The following EXTL3 variants were observed in gnomAD, a reference collection of about 807,000 sequenced individuals.
EXTL3 encodes exostosin-like 3.
In EXTL3, 27 loss-of-function variants were observed where a neutral mutation model predicts 69.3. The ratio of observed to expected loss-of-function variants is 0.39; its 90% CI spans 0.29 to 0.54. EXTL3 has a LOEUF of 0.54. Ranked by LOEUF, EXTL3 falls within the 20% of genes least tolerant of loss-of-function variation. EXTL3 has a pLI of 0.69. For synonymous variants in EXTL3, 511 were observed against 499.4 expected (o/e 1.02, Z -0.31); for missense variants, 1,003 against 1,231.8 (o/e 0.81, Z 2.78).
At chr8:28,641,447 T>C (rs920476913) in intron 1 of EXTL3, among the ~76,000 whole-genome samples, 2 of 152,232 alleles carry the variant, frequency 1.3e-5, no homozygotes, top group Non-Finnish European at 2.9e-5. Flanking sequence ...GAATTGGGTA[T>C]GGATTAAAAA....
At chr8:28,690,966 A>T (rs957170767) in intron 1 of EXTL3, among the ~76,000 whole-genome samples, 3 of 152,120 alleles carry the variant, frequency 2.0e-5, no homozygotes, top group Non-Finnish European at 4.4e-5. Flanking sequence ...AGTCTCCAAA[A>T]ACATTCTGTA....
chr8:28,719,503 G>A (rs1275425284), intron 3 of EXTL3, among the ~76,000 whole-genome samples: 3 of 152,066 alleles, frequency 2.0e-5, no homozygotes, highest in Admixed American at 6.6e-5. Context: ...TTCCTTCTGT[G>A]CAAAGTGCCT....
At chr8:28,643,684 C>G (rs1473325076) in intron 1 of EXTL3, among the ~76,000 whole-genome samples, 3 of 152,114 alleles carry the variant, frequency 2.0e-5, no homozygotes, top group Non-Finnish European at 4.4e-5. Flanking sequence ...TCCCAAAGTG[C>G]TGGTATTACA....
In EXTL3 at chr8:28,751,090, A is replaced by G; in HGVS notation, c.*224A>G. 1.7e-6 allele frequency: 1 copy of G among 573,660 alleles called. No individual in the cohort carries two copies. The highest frequency in any genetic ancestry group is 3.1e-6 in the Non-Finnish European group (1 of 319,678). The allele number at this position is 573,660 out of a possible 1,614,324, so 35.5% of individuals were successfully genotyped here. ...GTCCCCGGGGTTCCCCACACAGGGC[A>G]CTGACTGATAGCTTACACTGAGGAC... On this transcript the variant is annotated 3_prime_UTR_variant, in exon 7 of 7. Transcript: ENST00000220562.
intron 1 of EXTL3, among the ~76,000 whole-genome samples, chr8:28,649,113 A>G (rs1425235319): frequency 6.6e-6 from 1 of 152,136 alleles, no homozygotes; most frequent in Non-Finnish European, 1.5e-5. Flanking sequence ...TATATTGCCT[A>G]GGCTGGACTT....
At chr8:28,707,235 A>G (rs1449623448) in intron 1 of EXTL3, among the ~76,000 whole-genome samples, 1 of 152,252 alleles carries the variant, frequency 6.6e-6, no homozygotes, top group South Asian at 2.1e-4. Context: ...ATGGTAGATA[A>G]GCAAGAAGCA....
At chr8:28,688,016 G>A (rs1299496318) in intron 1 of EXTL3, among the ~76,000 whole-genome samples, 1 of 151,134 alleles carries the variant, frequency 6.6e-6, no homozygotes, top group Non-Finnish European at 1.5e-5. Flanking sequence ...ACAGCAGCCA[G>A]CCCCCCAGGG....
intron 1 of EXTL3, among the ~76,000 whole-genome samples, chr8:28,627,452 G>A (rs374954394): frequency 2.0e-5 from 3 of 148,170 alleles, no homozygotes; most frequent in African/African-American, 7.5e-5. Flanking sequence ...AGCTGTGATT[G>A]CATCACTGTA....
At chr8:28,732,915 A>G (rs1487824993) in intron 4 of EXTL3, among the ~76,000 whole-genome samples, 1 of 152,110 alleles carries the variant, frequency 6.6e-6, no homozygotes, top group African/African-American at 2.4e-5. Flanking sequence ...GTATTTTAGT[A>G]GAGATGGGGT....
At chr8:28,730,679 A>G (rs909886936) in intron 3 of EXTL3, among the ~76,000 whole-genome samples, 2 of 152,186 alleles carry the variant, frequency 1.3e-5, no homozygotes, top group African/African-American at 4.8e-5. Context: ...AAAGAAGGAA[A>G]AAGTTTGTGT....
At chr8:28,737,380 A>T in intron 4 of EXTL3, 139 bp from the exon 5 acceptor site, 1 of 912,354 alleles carries the variant, frequency 1.1e-6, no homozygotes, top group South Asian at 1.4e-5. Context: ...CTTGTTGTTG[A>T]TTTTGTTTTA....
At chr8:28,701,834 G>A (rs1370088917) in intron 1 of EXTL3, among the ~76,000 whole-genome samples, 175 bp downstream of exon 1, 1 of 152,030 alleles carries the variant, frequency 6.6e-6, no homozygotes, top group Admixed American at 6.5e-5. Context: ...CCTCCGAGCG[G>A]AGTAGGCCTG....
chr8:28,620,984 G>C (rs113038264), upstream of EXTL3, among the ~76,000 whole-genome samples: 4 of 152,084 alleles, frequency 2.6e-5, no homozygotes, highest in Non-Finnish European at 5.9e-5. Context: ...CAAAGTGCTG[G>C]GATTTCAGAT....
intron 2 of EXTL3, among the ~76,000 whole-genome samples, chr8:28,616,203 A>T (rs1485051593): frequency 6.6e-6 from 1 of 152,182 alleles, no homozygotes; most frequent in Non-Finnish European, 1.5e-5. Context: ...TATATAAGAG[A>T]CTTTCAATAA....
chr8:28,700,793 C>G (rs1800769435), upstream of EXTL3: 1 of 152,318 alleles, frequency 6.6e-6, no homozygotes. Context: ...ATCCCCTGTT[C>G]CATTATCCAA....
Position 28,703,504 on chromosome 8 carries a change from A to G in EXTL3, c.-570+1845A>G, listed in dbSNP as rs114127214. Among the ~76,000 whole-genome samples the G allele has an allele frequency of 3.5e-3, 539 of 152,230 alleles. 7 individuals are homozygous for G. Among genetic ancestry groups the G allele is most frequent in the African/African-American group, 0.012 (512 of 41,534 alleles). Reference sequence around the variant, plus strand: ...GTTTGAAGCCAGCAGAAGACTAGAGAGAGACCTGTTCTTTTCCGCAGGGCC... The same window carrying G: ...GTTTGAAGCCAGCAGAAGACTAGAGGGAGACCTGTTCTTTTCCGCAGGGCC... On this transcript the variant is annotated intron_variant, in intron 1 of 6. Transcript: ENST00000220562.
chr8:28,734,955 AT>A (rs1477889481), intron 4 of EXTL3, among the ~76,000 whole-genome samples: 1 of 152,168 alleles, frequency 6.6e-6, no homozygotes, highest in Non-Finnish European at 1.5e-5. Context: ...GATTTGACAC[AT>A]TTCTGAAAAA....
intron 1 of EXTL3, chr8:28,622,837 T>TG (rs1321937581): frequency 1.3e-5 from 2 of 152,160 alleles, no homozygotes; most frequent in Non-Finnish European, 2.9e-5. Context: ...ATCTTCCCTT[T>TG]CGGGGGTGGG....
upstream of EXTL3, among the ~76,000 whole-genome samples, chr8:28,619,845 C>CTTT (rs56276866): frequency 9.8e-5 from 5 of 50,852 alleles, 1 homozygote; most frequent in Non-Finnish European, 1.5e-4. Flanking sequence ...GCTTCTGGTT[C>CTTT]TTTTTTTTTT....
Sources: allele counts gnomAD v4.1 joint callset (sites outside exome capture counted in the v4.1 genomes callset), GRCh38; gene constraint gnomAD v4.1.1; transcripts MANE v1.5; gene names NCBI Gene and HGNC (gene_info 2026-07-23, HGNC 2026-07-21).